The following NLGN4X variants were observed in gnomAD, a reference collection of about 807,000 sequenced individuals.
The protein encoded by NLGN4X is neuroligin 4 X-linked.
Under a neutral mutation model 40.3 loss-of-function variants are expected in NLGN4X, and 3 were observed. That is an observed-to-expected ratio of 0.07 (90% CI 0.03 to 0.19). The LOEUF (loss-of-function observed/expected upper bound fraction) is 0.19. NLGN4X is among the 10% of genes least tolerant of loss of function. The pLI is 1.00. For missense variants in NLGN4X, 382 were observed against 708.3 expected (o/e 0.54, Z 5.23); for synonymous variants, 270 against 306.8 (o/e 0.88, Z 1.25).
chrX:5,927,501 G>T (rs1314868185), intron 3 of NLGN4X, among the ~76,000 whole-genome samples: 1 of 112,443 alleles, frequency 8.9e-6, no homozygotes, highest in African/African-American at 3.2e-5. Flanking sequence ...CAGATGGATG[G>T]TATAAGTGGT....
intron 3 of NLGN4X, among the ~76,000 whole-genome samples, chrX:5,981,494 T>C (rs1203490028): frequency 9.3e-6 from 1 of 107,870 alleles, no homozygotes; most frequent in East Asian, 2.8e-4. Context: ...TAGTAAAGCC[T>C]ACTAGATAAT....
At chrX:5,952,110 G>A (rs1385818560) in intron 3 of NLGN4X, among the ~76,000 whole-genome samples, 1 of 111,814 alleles carries the variant, frequency 8.9e-6, no homozygotes, top group Non-Finnish European at 1.9e-5. Flanking sequence ...AGGATGCAAT[G>A]GTATAATTGG....
intron 1 of NLGN4X, among the ~76,000 whole-genome samples, chrX:6,177,419 T>C (rs748559975): frequency 8.9e-6 from 1 of 112,036 alleles, no homozygotes; most frequent in East Asian, 2.8e-4. Flanking sequence ...TCAGTGGGTG[T>C]AATCCCAAAG....
intron 1 of NLGN4X, among the ~76,000 whole-genome samples, chrX:6,163,954 A>T (rs1305520657): frequency 8.9e-6 from 1 of 112,876 alleles, no homozygotes; most frequent in African/African-American, 3.2e-5. Flanking sequence ...CAGGACACAG[A>T]AGACAGAAAA....
intron 2 of NLGN4X, among the ~76,000 whole-genome samples, chrX:6,051,040 G>A (rs1288833608): frequency 8.1e-5 from 9 of 111,466 alleles, no homozygotes; most frequent in Admixed American, 6.7e-4. Flanking sequence ...AAAGCTTGAC[G>A]GGGTGTACTG....
chrX:6,115,429 T>C (rs768286470), intron 2 of NLGN4X, among the ~76,000 whole-genome samples: 1 of 111,588 alleles, frequency 9.0e-6, no homozygotes, highest in East Asian at 2.8e-4. Flanking sequence ...TCCTGTATCA[T>C]TGTAGGTAAT....
intron 3 of NLGN4X, among the ~76,000 whole-genome samples, chrX:5,915,234 T>C (rs1435621729): frequency 8.9e-6 from 1 of 112,074 alleles, no homozygotes; most frequent in African/African-American, 3.2e-5. Flanking sequence ...ACCACAGGTT[T>C]CCAAACTCTG....
chrX:6,025,358 T>C (rs989899034), intron 3 of NLGN4X, among the ~76,000 whole-genome samples: 8 of 112,026 alleles, frequency 7.1e-5, no homozygotes, highest in Admixed American at 5.7e-4. Context: ...TTCTGATTTA[T>C]TTAATGTCTA....
At chrX:6,017,561 C>G (rs972070897) in intron 3 of NLGN4X, among the ~76,000 whole-genome samples, 16 of 111,740 alleles carry the variant, frequency 1.4e-4, no homozygotes, top group African/African-American at 5.2e-4. Context: ...TTCTACCCAC[C>G]TGTTTAAGAC....
At chrX:6,117,773 G>A (rs956528254) in intron 2 of NLGN4X, among the ~76,000 whole-genome samples, 1 of 110,749 alleles carries the variant, frequency 9.0e-6, no homozygotes, top group African/African-American at 3.4e-5. Context: ...ATAGAAAAAT[G>A]CTTTGGACAA....
intron 2 of NLGN4X, among the ~76,000 whole-genome samples, chrX:6,044,735 T>C (rs1310108831): frequency 9.0e-6 from 1 of 111,263 alleles, no homozygotes; most frequent in Non-Finnish European, 1.9e-5. Context: ...ATGTGGAAAA[T>C]AGGGAAGACC....
At chrX:6,085,416 A>G (rs1024896182) in intron 2 of NLGN4X, among the ~76,000 whole-genome samples, 1 of 111,794 alleles carries the variant, frequency 8.9e-6, no homozygotes, top group Admixed American at 9.5e-5. Flanking sequence ...CCGAATGAGG[A>G]CTGTGAGGTG....
chrX:5,991,598 C>A, intron 3 of NLGN4X: 1 of 469,745 alleles, frequency 2.1e-6, no homozygotes, highest in South Asian at 2.8e-5. Context: ...AATAAGGCCC[C>A]TTTCTCAGCA....
chrX:6,097,913 T>C (rs1197959446), intron 2 of NLGN4X, among the ~76,000 whole-genome samples: 2 of 111,586 alleles, frequency 1.8e-5, no homozygotes, highest in African/African-American at 6.5e-5. Context: ...ACAATCTACC[T>C]TTGGGAAGAA....
rs2039601909 is a variant in NLGN4X, at chrX:6,128,194, ATGG to A, written c.472+22798_472+22800del. On this transcript the variant is annotated intron_variant, in intron 2 of 5. Coordinates refer to ENST00000381095, the MANE Select transcript of NLGN4X (RefSeq NM_181332.3). ...CAATGGGTCATTAGGGAGTTGAAAC[ATGG>A]GGCCCTACGAAGGCTGGGACAGACT... Among the ~76,000 whole-genome samples the A allele has an allele frequency of 6.3e-5, 7 of 111,409 alleles. No individual in the cohort carries two copies. The South Asian group carries it at 2.7e-3, about 42-fold the overall frequency.
intron 3 of NLGN4X, among the ~76,000 whole-genome samples, chrX:5,954,386 GCTAA>G (rs1417124199): frequency 1.0e-4 from 9 of 87,303 alleles, no homozygotes; most frequent in East Asian, 7.6e-4. Flanking sequence ...AGCATGCTTG[GCTAA>G]CTTTTTTTTT....
At chrX:5,933,951 T>C (rs779242064) in intron 3 of NLGN4X, among the ~76,000 whole-genome samples, 1 of 111,394 alleles carries the variant, frequency 9.0e-6, no homozygotes, top group Non-Finnish European at 1.9e-5. Context: ...AGACCTAAAA[T>C]GCTGATATGG....
chrX:6,112,066 T>C (rs1326163333), intron 2 of NLGN4X, among the ~76,000 whole-genome samples: 1 of 111,927 alleles, frequency 8.9e-6, no homozygotes, highest in African/African-American at 3.2e-5. Context: ...TAATTTTGTT[T>C]TGCTGGTCTA....
chrX:6,032,679 A>C (rs765309384), intron 2 of NLGN4X: 1 of 1,173,233 alleles, frequency 8.5e-7, no homozygotes, highest in Non-Finnish European at 1.1e-6. Flanking sequence ...GCTTTGAAAA[A>C]ACAAAAAATA....
Sources: gnomAD v4.1 joint callset for allele counts (sites outside exome capture counted in the v4.1 genomes callset) on GRCh38, gnomAD v4.1.1 for gene constraint, MANE v1.5 for transcripts, NCBI Gene and HGNC (gene_info 2026-07-23, HGNC 2026-07-21) for gene names.